The following GNA14 variants were observed in gnomAD, a reference collection of about 807,000 sequenced individuals.
The protein encoded by GNA14 is guanine nucleotide-binding protein subunit alpha-14.
In GNA14, 50 loss-of-function variants were observed where a neutral mutation model predicts 42.0. That is an observed-to-expected ratio of 1.19 (90% CI 0.95 to 1.51). GNA14 has a LOEUF of 1.51. Among genes scored for constraint, GNA14 ranks in the 40% most tolerant of loss-of-function variants. The pLI is 0.00. For missense variants in GNA14, 473 were observed against 446.2 expected (o/e 1.06, Z -0.54); for synonymous variants, 173 against 163.1 (o/e 1.06, Z -0.46).
intron 1 of GNA14, among the ~76,000 whole-genome samples, chr9:77,557,467 A>G (rs1414277019): frequency 6.6e-6 from 1 of 152,162 alleles, no homozygotes; most frequent in East Asian, 1.9e-4. Context: ...TTTGCTGTGC[A>G]CTCTCATTCT....
intron 1 of GNA14, among the ~76,000 whole-genome samples, chr9:77,604,392 C>G (rs73462046): frequency 0.015 from 2,255 of 152,242 alleles, 58 homozygotes; most frequent in African/African-American, 0.051. Context: ...TGGTAAAGCC[C>G]TAAGTGGAAG....
chr9:77,445,730 A>C (rs1442839331), intron 2 of GNA14, among the ~76,000 whole-genome samples: 1 of 151,656 alleles, frequency 6.6e-6, no homozygotes, highest in Non-Finnish European at 1.5e-5. Flanking sequence ...CAACAGCGAG[A>C]CCCCATCTTT....
At chr9:77,627,844 C>T (rs1564070177) in intron 1 of GNA14, among the ~76,000 whole-genome samples, 1 of 152,082 alleles carries the variant, frequency 6.6e-6, no homozygotes, top group Non-Finnish European at 1.5e-5. Context: ...GACAAGGATA[C>T]CCTCTCTCAC....
intron 1 of GNA14, among the ~76,000 whole-genome samples, chr9:77,642,993 C>T (rs1258531167): frequency 6.6e-6 from 1 of 152,136 alleles, no homozygotes; most frequent in Non-Finnish European, 1.5e-5. Flanking sequence ...GATGATGCCT[C>T]CTCCAGAGGC....
chr9:77,623,038 A>C (rs1823953632), intron 1 of GNA14, among the ~76,000 whole-genome samples: 1 of 151,292 alleles, frequency 6.6e-6, no homozygotes, highest in Admixed American at 6.6e-5. Context: ...AACATGGTGA[A>C]ACCCTGACTC....
chr9:77,450,419 G>C (rs1043133428), intron 2 of GNA14, among the ~76,000 whole-genome samples: 3 of 152,018 alleles, frequency 2.0e-5, no homozygotes, highest in Non-Finnish European at 4.4e-5. Context: ...GGGCTTACAT[G>C]CCGCATCAAA....
At chr9:77,506,990 A>G (rs1186238680) in intron 2 of GNA14, among the ~76,000 whole-genome samples, 1 of 152,216 alleles carries the variant, frequency 6.6e-6, no homozygotes, top group African/African-American at 2.4e-5. Flanking sequence ...GTCACTGGAA[A>G]TCTTATTTGG....
At chr9:77,515,141 ATCACAT>A (rs1046758262) in intron 2 of GNA14, among the ~76,000 whole-genome samples, 8 of 152,042 alleles carry the variant, frequency 5.3e-5, no homozygotes, top group Non-Finnish European at 1.0e-4. Context: ...TCATAAAAAA[ATCACAT>A]TCCTTTGCCC....
At chr9:77,645,969 C>T (rs1824344808) in intron 1 of GNA14, among the ~76,000 whole-genome samples, 1 of 152,204 alleles carries the variant, frequency 6.6e-6, no homozygotes, top group South Asian at 2.1e-4. Flanking sequence ...TAGTTATTTT[C>T]TAGTGTTAAT....
intron 1 of GNA14, among the ~76,000 whole-genome samples, chr9:77,635,592 A>G (rs1010400528): frequency 1.6e-4 from 24 of 152,192 alleles, no homozygotes; most frequent in African/African-American, 5.3e-4. Context: ...TAAATTACCT[A>G]TATCCTTGAG....
chr9:77,512,689 T>C (rs1048727604), intron 2 of GNA14, among the ~76,000 whole-genome samples: 1 of 152,206 alleles, frequency 6.6e-6, no homozygotes, highest in Non-Finnish European at 1.5e-5. Flanking sequence ...ACTTCTCTCA[T>C]GCCTGTTATA....
chr9:77,462,779 G>C (rs1190724524), intron 2 of GNA14, among the ~76,000 whole-genome samples: 1 of 151,720 alleles, frequency 6.6e-6, no homozygotes, highest in East Asian at 1.9e-4. Flanking sequence ...TCTGCCCCTC[G>C]ATCCCTGACT....
intron 1 of GNA14, among the ~76,000 whole-genome samples, chr9:77,554,472 T>A (rs1374553340): frequency 6.6e-6 from 1 of 152,240 alleles, no homozygotes; most frequent in African/African-American, 2.4e-5. Flanking sequence ...AGTATCAGTT[T>A]GACTGTTAGC....
At position 77,549,042 on chromosome 9, in the gene GNA14, C is replaced by A. The variant is rs891045869; in HGVS notation, c.125-19789G>T. Among the ~76,000 whole-genome samples, 14 of 152,056 alleles carry A rather than the reference C, an allele frequency of 9.2e-5. 1 individual carries two copies. The highest frequency in any genetic ancestry group is 5.2e-4 in the Admixed American group (8 of 15,266). On this transcript the variant is annotated intron_variant, in intron 1 of 6. Transcript: ENST00000341700. ...GCAACCTCCGTCTCCTGGGTTCAAG[C>A]GATTGCCTCAGCCTCCCGAGTAGCT...
chr9:77,528,938 A>C, intron 2 of GNA14, 131 bp downstream of exon 2: 1 of 755,048 alleles, frequency 1.3e-6, no homozygotes, highest in Non-Finnish European at 2.3e-6. Flanking sequence ...AACTCCTCTC[A>C]GTGATCCCCA....
chr9:77,513,404 C>A (rs1837200910), intron 2 of GNA14, among the ~76,000 whole-genome samples: 1 of 152,214 alleles, frequency 6.6e-6, no homozygotes, highest in Admixed American at 6.5e-5. Flanking sequence ...AAAGTCAGGG[C>A]AAGTGATAGT....
intron 2 of GNA14, among the ~76,000 whole-genome samples, chr9:77,507,997 C>T (rs1343069890): frequency 1.3e-5 from 2 of 152,118 alleles, no homozygotes; most frequent in African/African-American, 4.8e-5. Flanking sequence ...GGATTACAGG[C>T]GTGAGCCACT....
intron 1 of GNA14, among the ~76,000 whole-genome samples, chr9:77,566,948 C>T (rs1162142310): frequency 1.3e-5 from 2 of 152,180 alleles, no homozygotes; most frequent in East Asian, 3.9e-4. Flanking sequence ...TTGTATTTGC[C>T]ATATACCCAG....
chr9:77,480,878 G>A (rs952810577), intron 2 of GNA14, among the ~76,000 whole-genome samples: 7 of 152,124 alleles, frequency 4.6e-5, no homozygotes, highest in African/African-American at 1.7e-4. Context: ...GTATTTCTGT[G>A]GGATCAGTGG....
Sources: allele counts gnomAD v4.1 joint callset (sites outside exome capture counted in the v4.1 genomes callset), GRCh38; gene constraint gnomAD v4.1.1; transcripts MANE v1.5; gene names NCBI Gene and HGNC (gene_info 2026-07-23, HGNC 2026-07-21).